KLHL7: variants seen among roughly 807,000 people sequenced by gnomAD.
KLHL7 encodes kelch-like protein 7.
Under a neutral mutation model 67.4 loss-of-function variants are expected in KLHL7, and 44 were observed. The observed-to-expected ratio is 0.65, with a 90% confidence interval of 0.51 to 0.84. The LOEUF (loss-of-function observed/expected upper bound fraction) is 0.84. Among genes scored for constraint, KLHL7 ranks in the 40% least tolerant of loss-of-function variants. KLHL7 has a pLI of 0.00. For missense variants in KLHL7, 362 were observed against 718.1 expected, an observed-to-expected ratio of 0.50 and a Z score of 5.67; for synonymous variants, 252 against 243.3, an observed-to-expected ratio of 1.04 and a Z score of -0.33.
At chr7:23,107,884 G>A (rs918364317) in intron 1 of KLHL7, among the ~76,000 whole-genome samples, 3 of 152,194 alleles carry the variant, frequency 2.0e-5, no homozygotes, top group East Asian at 1.9e-4. Context: ...GTTTCACTTC[G>A]CAATTGATTT....
chr7:23,129,337 G>A (rs1486984092), intron 4 of KLHL7: 2 of 348,256 alleles, frequency 5.7e-6, no homozygotes, highest in South Asian at 2.6e-5. Flanking sequence ...ACATAAATTG[G>A]TATGTTAGCC....
chr7:23,148,226 G>C (rs995741235), intron 6 of KLHL7, among the ~76,000 whole-genome samples: 2 of 151,872 alleles, frequency 1.3e-5, no homozygotes, highest in East Asian at 3.9e-4. Context: ...ATCTAATAAT[G>C]AAAATTTTCA....
chr7:23,106,491 T>C (rs146995562), intron 1 of KLHL7: 471 of 1,176,644 alleles, frequency 4.0e-4, no homozygotes, highest in Non-Finnish European at 4.9e-4. Context: ...CGTTTTAAGG[T>C]GCCGTGAGAT....
In KLHL7 at chr7:23,174,162, T is replaced by G. The variant is rs1785239274; in HGVS notation, c.1625T>G (p.Leu542Ter). Residue 542 changes from leucine to a stop codon, truncating the protein, a stop_gained, in exon 11 of 11, where the codon TTA (leucine) becomes TGA (stop). Transcript: ENST00000339077. LOFTEE classifies it high-confidence loss of function. Reference protein sequence around the residue: ...VLAGFQGVGRLGHILEYNTET... With the variant: ...VLAGFQGVGR ...GCTGGTTTTCAGGGTGTTGGTCGAT[T>G]AGGACACATTCTCGAATATAATACC... 6.2e-7 allele frequency: 1 copy of G among 1,614,200 alleles called. No homozygotes were observed.
At chr7:23,133,153 G>A (rs1413117128) in intron 4 of KLHL7, among the ~76,000 whole-genome samples, 2 of 152,072 alleles carry the variant, frequency 1.3e-5, no homozygotes, top group African/African-American at 4.8e-5. Context: ...TAAATTTTAG[G>A]ATTGTTTTTT....
chr7:23,140,600 T>TAA, intron 4 of KLHL7, 169 bp from the exon 5 acceptor site: 1 of 704,334 alleles, frequency 1.4e-6, no homozygotes, highest in Non-Finnish European at 2.5e-6. Context: ...CAGTCTTTTA[T>TAA]AAGACAGTAT....
intron 1 of KLHL7, chr7:23,118,026 C>T (rs927845591): frequency 6.3e-7 from 1 of 1,580,878 alleles, no homozygotes; most frequent in Non-Finnish European, 8.7e-7. Context: ...GGGCAGTTGA[C>T]TGCATGCCTC....
At chr7:23,118,440 C>G (rs760463042) in intron 1 of KLHL7, among the ~76,000 whole-genome samples, 16 of 152,208 alleles carry the variant, frequency 1.1e-4, no homozygotes, top group Non-Finnish European at 1.8e-4. Context: ...TGAGCAGGAA[C>G]AGTCCTCTCC....
Position 23,105,909 on chromosome 7 carries a change from G to T in KLHL7, c.-118G>T, listed in dbSNP as rs752132191. 2.7e-6 allele frequency: 4 copies of T among 1,464,350 alleles called. No individual in the cohort carries two copies. The highest frequency in any genetic ancestry group is 3.7e-6 in the Non-Finnish European group (4 of 1,082,726). The allele number at this position is 1,464,350 out of a possible 1,614,324, so 90.7% of individuals were successfully genotyped here. ...CCGCCTGCCGCGCGTTCCAGAGCTG[G>T]GCGCTGCAGCTGCACTGCCGATCGC... On this transcript the variant is annotated 5_prime_UTR_variant, in exon 1 of 11. Coordinates refer to ENST00000339077, the MANE Select transcript of KLHL7 (RefSeq NM_001031710.3).
chr7:23,117,005 TTTAAGAGAAATCCTCTA>T (rs1783114206), intron 1 of KLHL7, among the ~76,000 whole-genome samples: 1 of 151,352 alleles, frequency 6.6e-6, no homozygotes, highest in Non-Finnish European at 1.5e-5. Flanking sequence ...TGTCCTATTC[TTTAAGAGAAATCCTCTA>T]ATTTTCTCTT....
intron 4 of KLHL7, chr7:23,125,645 C>G: frequency 7.8e-7 from 1 of 1,287,532 alleles, no homozygotes; most frequent in South Asian, 1.9e-5. Context: ...CCCACATTGT[C>G]AAAATGCTGT....
At chr7:23,140,490 G>A (rs561281051) in intron 4 of KLHL7, among the ~76,000 whole-genome samples, 12 of 152,164 alleles carry the variant, frequency 7.9e-5, no homozygotes, top group African/African-American at 2.9e-4. Flanking sequence ...CTGGGAGGCG[G>A]AGCTTGCAGT....
chr7:23,126,018 C>CAAT (rs772609118), intron 4 of KLHL7: 1 of 706,892 alleles, frequency 1.4e-6, no homozygotes, highest in Admixed American at 2.0e-5. Flanking sequence ...AGATTAACAA[C>CAAT]AATAATAATA....
chr7:23,123,031 T>C (rs1446956033), intron 1 of KLHL7, among the ~76,000 whole-genome samples: 2 of 152,218 alleles, frequency 1.3e-5, no homozygotes, highest in Non-Finnish European at 2.9e-5. Flanking sequence ...CATTTATAAG[T>C]GTTCTAGTAA....
Position 23,174,591 on chromosome 7 carries a change from G to A in KLHL7, c.*293G>A, listed in dbSNP as rs1388927683. 1.9e-6 allele frequency: 1 copy of A among 523,534 alleles called. No homozygotes were observed. Among genetic ancestry groups the A allele is most frequent in the South Asian group, 1.5e-5 (1 of 65,152 alleles). The allele number at this position is 523,534 out of a possible 1,614,324, so 32.4% of individuals were successfully genotyped here. ...ATTTCACATTTGTAACTATGATTTT[G>A]GCAGAATAGAAGATTGGCTCATCAG... is the stretch of plus-strand genomic sequence containing the variant. On this transcript the variant is annotated 3_prime_UTR_variant, in exon 11 of 11. Coordinates refer to ENST00000339077, the MANE Select transcript of KLHL7 (RefSeq NM_001031710.3).
intron 2 of KLHL7, among the ~76,000 whole-genome samples, chr7:23,124,190 CAAAAAAAAAAAAAAAAAAAAAA>C (rs149801497): frequency 3.9e-5 from 1 of 25,868 alleles, no homozygotes; most frequent in South Asian, 3.2e-3. Context: ...GACTCTGTCT[CAAAAAAAAAAAAAAAAAAAAAA>C]AAAAAAAAAA....
At chr7:23,126,999 A>G (rs1237816020) in intron 4 of KLHL7, among the ~76,000 whole-genome samples, 1 of 152,212 alleles carries the variant, frequency 6.6e-6, no homozygotes, top group East Asian at 1.9e-4. Flanking sequence ...TTGGGCCGTA[A>G]TTGGGGCTTC....
Position 23,174,237 on chromosome 7 carries a change from C to T in KLHL7, c.1700C>T (p.Thr567Ile). ...TCCAAAGTTCGTGCTTTTCCAGTCA[C>T]AAGTTGTTTAATTTGTGTTGTCGAT... ...ANSKVRAFPV[T>I]SCLICVVDTC... The change falls in exon 11 of 11, where the codon ACA becomes ATA. Residue 567 changes from threonine to isoleucine, a missense_variant. Around this residue, in one of 5 missense-constraint regions of KLHL7, gnomAD observed 136 missense variants for 252.7 expected, o/e 0.54. Transcript: ENST00000339077. 1 of 1,614,098 alleles carries T rather than the reference C, an allele frequency of 6.2e-7. No individual in the cohort carries two copies. Among genetic ancestry groups the T allele is most frequent in the Non-Finnish European group, 8.5e-7 (1 of 1,179,998 alleles).
rs1307104602 is a variant in KLHL7 at position 23,152,227 on chromosome 7, T to C, written c.936+18T>C. The C allele has an allele frequency of 1.9e-6, 3 of 1,612,462 alleles. No individual in the cohort carries two copies. The highest frequency in any genetic ancestry group is 1.7e-6 in the Non-Finnish European group (2 of 1,178,622). On this transcript the variant is annotated intron_variant, in intron 7 of 10. Coordinates refer to ENST00000339077, the MANE Select transcript of KLHL7 (RefSeq NM_001031710.3). ...ACCCAAAGGTAACTAATTTTTATTC[T>C]TGGTTTTTGTTGTTGTCTTTGAAAT...
Sources: allele counts gnomAD v4.1 joint callset (sites outside exome capture counted in the v4.1 genomes callset), GRCh38; gene constraint gnomAD v4.1.1; regional missense constraint gnomAD v4.1.1; transcripts MANE v1.5; gene names NCBI Gene and HGNC (gene_info 2026-07-23, HGNC 2026-07-21).